APC: variants seen among roughly 807,000 people sequenced by gnomAD.
APC encodes the protein APC regulator of Wnt signaling pathway.
APC carries 72 observed loss-of-function variants against 247.0 expected under a neutral mutation model. The observed-to-expected ratio is 0.29, with a 90% confidence interval of 0.24 to 0.35. APC has a LOEUF of 0.35. Among genes scored for constraint, APC ranks in the 10% least tolerant of loss-of-function variants. APC has a pLI of 1.00. For missense variants in APC, 3,400 were observed against 3,360.7 expected (o/e 1.01, Z -0.29); for synonymous variants, 1,254 against 1,162.5 (o/e 1.08, Z -1.60).
chr5:112,768,028 A>G lies in APC; in HGVS notation c.422+638A>G, dbSNP rs566761517. Among the ~76,000 whole-genome samples the G allele has an allele frequency of 2.7e-5, 4 of 150,772 alleles. No homozygotes were observed. The East Asian group carries it at 5.9e-4, about 22-fold the overall frequency. ...GGAGTTCAGGACTAGCCTGGGTGAC[A>G]TAGTAAGACTCTTTCTTTTTTTTTT... On this transcript the variant is annotated intron_variant, in intron 4 of 15. Transcript: ENST00000257430.
Position 112,839,668 on chromosome 5 carries a change from G to A in APC, c.4074G>A (p.Ala1358=), listed in dbSNP as rs149782464. Residue 1358 remains alanine, a synonymous_variant, in exon 16 of 16, where the codon GCG becomes GCA. Coordinates refer to ENST00000257430, the MANE Select transcript of APC (RefSeq NM_000038.6). This position sits in a 1 kb window ranked among gnomAD's most constrained non-coding sequence, Gnocchi z 5.0. ...RHKAVEFSSG[A]KSPSKSGAQT... ...AAGCTGTTGAATTTTCTTCAGGAGC[G>A]AAATCTCCCTCCAAAAGTGGTGCTC... 22 of 1,613,904 alleles carry A rather than the reference G, an allele frequency of 1.4e-5. No individual in the cohort carries two copies. The highest frequency in any genetic ancestry group is 1.6e-4 in the Middle Eastern group (1 of 6,082).
intron 1 of APC, among the ~76,000 whole-genome samples, chr5:112,716,438 T>TA (rs1329555515): frequency 4.6e-5 from 7 of 152,218 alleles, no homozygotes; most frequent in Non-Finnish European, 7.4e-5. Context: ...TCCAAGAACA[T>TA]ACTCTGTTTC....
chr5:112,789,251 A>C (rs1378301327), intron 6 of APC, among the ~76,000 whole-genome samples: 1 of 152,252 alleles, frequency 6.6e-6, no homozygotes, highest in African/African-American at 2.4e-5. Flanking sequence ...GTGGTTAAGC[A>C]TCCTAATCCA....
intron 8 of APC, among the ~76,000 whole-genome samples, chr5:112,802,042 C>G (rs1760887260): frequency 2.0e-5 from 3 of 151,612 alleles, no homozygotes; most frequent in Non-Finnish European, 1.5e-5. Context: ...TTAGGGTGTT[C>G]TGTATTCTCC....
rs1323184454 is a variant in APC at position 112,845,177 on chromosome 5, CTATT to C, written c.*1052_*1055del. On this transcript the variant is annotated 3_prime_UTR_variant, in exon 16 of 16. Transcript: ENST00000257430. ...AACCATTCCATGCGTTGGCACTTATCTATTCCTGAAATTTCTTTTATGTGATTAG... is the reference window on the plus strand; with the variant it reads ...AACCATTCCATGCGTTGGCACTTATCCCTGAAATTTCTTTTATGTGATTAG... The C allele has an allele frequency of 8.2e-5, 19 of 232,516 alleles. No individual in the cohort carries two copies. The highest frequency in any genetic ancestry group is 1.2e-3 in the Middle Eastern group (1 of 802). 14.4% of individuals were successfully genotyped at this position (232,516 alleles called of 1,614,324 possible).
At chr5:112,767,949 C>A (rs436108) in intron 4 of APC, among the ~76,000 whole-genome samples, 2,837 of 152,078 alleles carry the variant, frequency 0.019, 32 homozygotes, top group Middle Eastern at 0.031. Flanking sequence ...CTTTGGCCCA[C>A]ACCTGTAATC....
At position 112,838,249 on chromosome 5, in the gene APC, C is replaced by T. The variant is rs1554084348; in HGVS notation, c.2655C>T (p.Ala885=). ...KRGLQISTTA[A]QIAKVMEEVS... is the part of the protein sequence containing the mutation. Reference sequence around the variant, plus strand: ...GTTTGCAGATCTCCACCACTGCAGCCCAGATTGCCAAAGTCATGGAAGAAG... The same window carrying T: ...GTTTGCAGATCTCCACCACTGCAGCTCAGATTGCCAAAGTCATGGAAGAAG... Residue 885 remains alanine, a synonymous_variant, in exon 16 of 16, where the codon GCC becomes GCT. Transcript: ENST00000257430. The T allele has an allele frequency of 6.2e-7, 1 of 1,614,140 alleles. No individual in the cohort carries two copies. The highest frequency in any genetic ancestry group is 8.5e-7 in the Non-Finnish European group (1 of 1,180,032).
intron 1 of APC, among the ~76,000 whole-genome samples, chr5:112,715,602 A>G (rs1247705187): frequency 6.6e-6 from 1 of 152,166 alleles, no homozygotes; most frequent in Admixed American, 6.5e-5. Flanking sequence ...ATTTGTTATA[A>G]CATGTCAGAG....
intron 7 of APC, among the ~76,000 whole-genome samples, chr5:112,798,962 C>G (rs1448336938): frequency 6.6e-6 from 1 of 152,010 alleles, no homozygotes; most frequent in East Asian, 1.9e-4. Context: ...GTAATCCCAG[C>G]ACTTTGGGAA....
chr5:112,707,909 C>T (rs980998513), intron 1 of APC: 2 of 1,346,204 alleles, frequency 1.5e-6, no homozygotes, highest in African/African-American at 2.9e-5. Flanking sequence ...GCATTGACGT[C>T]TCCTCCCGGC....
intron 2 of APC, among the ~76,000 whole-genome samples, chr5:112,765,099 G>T (rs1756125595): frequency 6.6e-6 from 1 of 152,012 alleles, no homozygotes; most frequent in African/African-American, 2.4e-5. Flanking sequence ...GGGTTTGGGG[G>T]CGATTTCTTT....
rs1756495302 is a variant in APC at position 112,767,541 on chromosome 5, T to C, written c.422+151T>C. The C allele has an allele frequency of 4.7e-6, 3 of 641,090 alleles. No individual in the cohort carries two copies. The South Asian group carries it at 6.4e-5, about 14-fold the overall frequency. The allele number at this position is 641,090 out of a possible 1,614,324, so 39.7% of individuals were successfully genotyped here. On this transcript the variant is annotated intron_variant, in intron 4 of 15. Transcript: ENST00000257430. ...AAACTCAAAGATAGCATGTTATTGATTGCACTTACATTAAATCTAAAAATA... is the reference window on the plus strand; with the variant it reads ...AAACTCAAAGATAGCATGTTATTGACTGCACTTACATTAAATCTAAAAATA...
At chr5:112,722,196 A>G (rs1561405149) in intron 1 of APC, among the ~76,000 whole-genome samples, 1 of 152,188 alleles carries the variant, frequency 6.6e-6, no homozygotes, top group African/African-American at 2.4e-5. Context: ...CATCTATTGT[A>G]TTTTAGTACA....
chr5:112,811,057 T>G lies in APC; in HGVS notation c.835-4438T>G, dbSNP rs560306993. ...CACACACAAAAAAAGAACCAACATC[T>G]TAGAGAAAGTTGAAGACCAGGAAAT... is the stretch of plus-strand genomic sequence containing the variant. On this transcript the variant is annotated intron_variant, in intron 8 of 15. Coordinates refer to ENST00000257430, the MANE Select transcript of APC (RefSeq NM_000038.6). Among the ~76,000 whole-genome samples the G allele has an allele frequency of 1.6e-4, 25 of 151,912 alleles. No individual in the cohort carries two copies. In the South Asian group the frequency reaches 5.2e-3, roughly 32 times the overall value.
At chr5:112,836,591 A>T (rs1764971267) in intron 15 of APC, among the ~76,000 whole-genome samples, 1 of 152,190 alleles carries the variant, frequency 6.6e-6, no homozygotes, top group African/African-American at 2.4e-5. Flanking sequence ...TCCAGAGTTC[A>T]TTATGCTGAT....
intron 13 of APC, 45 bp from the exon 14 acceptor site, chr5:112,828,811 G>T: frequency 2.2e-6 from 3 of 1,385,580 alleles, no homozygotes; most frequent in Middle Eastern, 1.8e-4. Context: ...AAAGCAACTA[G>T]TATGATTTTA....
chr5:112,821,802 A>G, intron 10 of APC, 94 bp from the exon 11 acceptor site: 3 of 957,866 alleles, frequency 3.1e-6, no homozygotes, highest in South Asian at 1.4e-5. Context: ...AATTAGGGTT[A>G]TATTAGTGAT....
At chr5:112,833,213 C>T (rs557722228) in intron 14 of APC, among the ~76,000 whole-genome samples, 6 of 146,346 alleles carry the variant, frequency 4.1e-5, no homozygotes, top group African/African-American at 1.3e-4. Flanking sequence ...GACCGAGTCT[C>T]GCTCTGTCAC....
chr5:112,708,088 G>A (rs943097362), intron 1 of APC, among the ~76,000 whole-genome samples: 1 of 152,160 alleles, frequency 6.6e-6, no homozygotes, highest in Non-Finnish European at 1.5e-5. Context: ...CAGTGGATGG[G>A]GGTCGCGACG....
Sources: gnomAD v4.1 joint callset for allele counts (sites outside exome capture counted in the v4.1 genomes callset) on GRCh38, gnomAD v4.1.1 for gene constraint, Gnocchi (gnomAD v3.1) non-coding constraint, MANE v1.5 for transcripts, NCBI Gene and HGNC (gene_info 2026-07-23, HGNC 2026-07-21) for gene names.